Variants in CCDC191 observed in about 807,000 individuals in gnomAD.
CCDC191 encodes coiled-coil domain-containing protein 191.
Under a neutral mutation model 114.0 loss-of-function variants are expected in CCDC191, and 99 were observed. The ratio of observed to expected loss-of-function variants is 0.87; its 90% CI spans 0.74 to 1.03. The LOEUF (loss-of-function observed/expected upper bound fraction) is 1.03, where lower values mean the gene tolerates loss of function less well. Ranked by LOEUF, CCDC191 falls within the 50% of genes least tolerant of loss-of-function variation. The pLI is 0.00. For missense variants in CCDC191, 973 were observed against 1,087.0 expected (o/e 0.90, Z 1.47); for synonymous variants, 351 against 376.0 (o/e 0.93, Z 0.77).
chr3:113,973,173 A>C (rs531702360), intron 16 of CCDC191, among the ~76,000 whole-genome samples: 1 of 152,130 alleles, frequency 6.6e-6, no homozygotes, highest in East Asian at 1.9e-4. Context: ...TTTCTCAGGT[A>C]GTATGTTTTA....
chr3:114,005,514 A>C lies in CCDC191; in HGVS notation c.1862T>G (p.Leu621Arg), dbSNP rs1471792913. Residue 621 changes from leucine to arginine, a missense_variant, in exon 10 of 17, where the codon CTT becomes CGT. Transcript: ENST00000295878. The part of the protein sequence containing the change: ...REEEPRTCQM[L>R]VNSPVASPGT... ...TCTGATAGAACAGACATACTTCACA[A>C]GCATCTGGCAGGTTCTTGGTTCCTC... 1 of 1,604,824 alleles carries C rather than the reference A, an allele frequency of 6.2e-7. No homozygotes were observed. The highest frequency in any genetic ancestry group is 1.7e-5 in the Admixed American group (1 of 57,994).
chr3:114,010,739 G>T (rs778702128), intron 9 of CCDC191, 33 bp downstream of exon 9: 1 of 1,568,492 alleles, frequency 6.4e-7, no homozygotes, highest in South Asian at 1.2e-5. Context: ...AACCTCAAAT[G>T]CAAGTGTTTA....
rs375923398 is a variant in CCDC191, at chr3:114,018,014, T to A, written c.1163+664A>T. ...CCTCATTTGAAGGCAGAATTCTGTG[T>A]CATTCACAAACATAAGAAGGAGCTG... On this transcript the variant is annotated intron_variant, in intron 8 of 16. Coordinates refer to ENST00000295878, the MANE Select transcript of CCDC191 (RefSeq NM_020817.2). 9.2e-5 allele frequency among the ~76,000 whole-genome samples: 14 copies of A among 152,202 alleles called. No individual in the cohort carries two copies. In the East Asian group the frequency reaches 1.2e-3, roughly 13 times the overall value.
At chr3:113,989,458 C>T (rs2075483143) in intron 13 of CCDC191, among the ~76,000 whole-genome samples, 1 of 152,046 alleles carries the variant, frequency 6.6e-6, no homozygotes, top group South Asian at 2.1e-4. Flanking sequence ...ATTCTTGGAA[C>T]ATAAGGAACT....
intron 13 of CCDC191, among the ~76,000 whole-genome samples, chr3:113,992,961 TC>T (rs1276669129): frequency 6.6e-6 from 1 of 152,116 alleles, no homozygotes; most frequent in African/African-American, 2.4e-5. Context: ...TACACTATGA[TC>T]AAGTGGGAGT....
intron 13 of CCDC191, among the ~76,000 whole-genome samples, chr3:113,999,092 C>T (rs1204989995): frequency 6.6e-6 from 1 of 152,156 alleles, no homozygotes; most frequent in Non-Finnish European, 1.5e-5. Flanking sequence ...TGCTCTTAAT[C>T]AGTATCCAAT....
chr3:114,053,643 TA>T lies in CCDC191; in HGVS notation c.91-9del. ...GTCAGGACCAAAAGTAGGCTGTAGA[TA>T]ACATATATATGATATCAATACGCAG... On this transcript the variant is annotated splice_polypyrimidine_tract_variant and intron_variant, in intron 1 of 16. Transcript: ENST00000295878. The T allele has an allele frequency of 6.4e-7, 1 of 1,574,492 alleles. No individual in the cohort carries two copies. Among genetic ancestry groups the T allele is most frequent in the Non-Finnish European group, 8.7e-7 (1 of 1,147,726 alleles).
Position 113,965,198 on chromosome 3 carries a change from G to C in CCDC191, c.2768C>G (p.Ser923Ter), listed in dbSNP as rs1447867832. 1.9e-6 allele frequency: 3 copies of C among 1,610,416 alleles called. No individual in the cohort carries two copies. The South Asian group carries it at 3.3e-5, about 18-fold the overall frequency. Reference sequence around the variant, plus strand: ...TGTCTTACTCAAGGACCAAGTATCTGATTGCTGATATAGCTCGTGGTACCT... The same window carrying C: ...TGTCTTACTCAAGGACCAAGTATCTCATTGCTGATATAGCTCGTGGTACCT... ...PGRYHELYQQ[S>*]DTWSLSKTSL... The change falls in exon 17 of 17, where the codon TCA becomes TGA. Residue 923 changes from serine (S) to a stop codon, truncating the protein, a stop_gained. Coordinates refer to ENST00000295878, the MANE Select transcript of CCDC191 (RefSeq NM_020817.2). LOFTEE classifies it low-confidence loss of function (END_TRUNC).
intron 13 of CCDC191, among the ~76,000 whole-genome samples, chr3:113,992,306 C>T (rs62267061): frequency 0.022 from 3,369 of 152,224 alleles, 55 homozygotes; most frequent in Middle Eastern, 0.065. Flanking sequence ...GCTCCCTCAG[C>T]TGTGTAGGCT....
rs1190749457 is a variant in CCDC191, at chr3:114,042,692, T to C, written c.415+11A>G. On this transcript the variant is annotated intron_variant, in intron 4 of 16. Coordinates refer to ENST00000295878, the MANE Select transcript of CCDC191 (RefSeq NM_020817.2). ...GATGTTAAAACTTAGAACAATCAGGTAAGTTCTTACCATCAAACTTGTCAT... is the reference window on the plus strand; with the variant it reads ...GATGTTAAAACTTAGAACAATCAGGCAAGTTCTTACCATCAAACTTGTCAT... The C allele has an allele frequency of 6.4e-7, 1 of 1,553,134 alleles. No homozygotes were observed. The highest frequency in any genetic ancestry group is 2.2e-5 in the Admixed American group (1 of 45,670).
intron 2 of CCDC191, among the ~76,000 whole-genome samples, chr3:114,048,731 G>C (rs896582338): frequency 6.6e-6 from 1 of 152,130 alleles, no homozygotes; most frequent in Non-Finnish European, 1.5e-5. Flanking sequence ...TGCTCTGATT[G>C]TCTCTATAGT....
chr3:114,014,345 A>T (rs1577417622), intron 8 of CCDC191, among the ~76,000 whole-genome samples: 2 of 152,300 alleles, frequency 1.3e-5, no homozygotes, highest in Non-Finnish European at 1.5e-5. Context: ...TGACAGAGAG[A>T]TCAGGAGTTT....
chr3:113,973,020 C>A (rs1436037452), intron 16 of CCDC191, among the ~76,000 whole-genome samples: 1 of 152,098 alleles, frequency 6.6e-6, no homozygotes, highest in Non-Finnish European at 1.5e-5. Flanking sequence ...CACTCTATGT[C>A]TTTTAATTGG....
rs2075949307 is a variant in CCDC191, at chr3:114,005,903, G to A, written c.1473C>T (p.Leu491=). ...TTGTTGTTCTTCCCAGGGGAGGACT[G>A]AGCATACAACCACTGCTTCCCAAGG... ...KPPLGSSGCM[L]SPPLGRTTTG... is the part of the protein sequence containing the mutation. The change falls in exon 10 of 17, where the codon CTC becomes CTT. Residue 491 remains leucine, a synonymous_variant. Coordinates refer to ENST00000295878, the MANE Select transcript of CCDC191 (RefSeq NM_020817.2). The A allele has an allele frequency of 3.1e-6, 5 of 1,614,106 alleles. No homozygotes were observed. Among genetic ancestry groups the A allele is most frequent in the Non-Finnish European group, 4.2e-6 (5 of 1,179,982 alleles).
chr3:113,973,233 T>C (rs1057209381), intron 16 of CCDC191, among the ~76,000 whole-genome samples: 3 of 152,316 alleles, frequency 2.0e-5, no homozygotes, highest in African/African-American at 7.2e-5. Flanking sequence ...GACTTTTTCT[T>C]GTTTTAGTTT....
intron 7 of CCDC191, among the ~76,000 whole-genome samples, chr3:114,023,955 C>T (rs1217210855): frequency 6.6e-6 from 1 of 152,124 alleles, no homozygotes; most frequent in Non-Finnish European, 1.5e-5. Flanking sequence ...GCAATCTACT[C>T]ATCTGACAAA....
chr3:113,999,760 A>C lies in CCDC191; in HGVS notation c.2163+1835T>G, dbSNP rs143186489. On this transcript the variant is annotated intron_variant, in intron 13 of 16. Transcript: ENST00000295878. ...TTTCTCCTTATTTTGCTATGAATAC[A>C]TTTGTGCATTTTCTTTCCTCTTATT... 9.0e-3 allele frequency among the ~76,000 whole-genome samples: 1,365 copies of C among 152,298 alleles called. 12 individuals carry two copies. Among genetic ancestry groups the C allele is most frequent in the Non-Finnish European group, 0.014 (928 of 68,018 alleles).
intron 8 of CCDC191, 136 bp from the exon 9 acceptor site, chr3:114,011,157 T>G: frequency 2.0e-6 from 2 of 976,648 alleles, no homozygotes; most frequent in South Asian, 1.7e-5. Context: ...TATATTAAGC[T>G]AAATGAAATT....
intron 13 of CCDC191, among the ~76,000 whole-genome samples, chr3:113,988,043 A>C (rs2075424718): frequency 6.8e-6 from 1 of 146,984 alleles, no homozygotes; most frequent in African/African-American, 2.5e-5. Flanking sequence ...CTCCATCTCA[A>C]TATATATATA....
Sources: allele counts gnomAD v4.1 joint callset (sites outside exome capture counted in the v4.1 genomes callset), GRCh38; gene constraint gnomAD v4.1.1; transcripts MANE v1.5; gene names NCBI Gene and HGNC (gene_info 2026-07-23, HGNC 2026-07-21).